LGMN: variants seen among roughly 807,000 people sequenced by gnomAD.
The protein encoded by LGMN is asparaginyl endopeptidase.
A neutral mutation model predicts 56.8 loss-of-function variants in LGMN; 36 were observed. The observed-to-expected ratio is 0.63, with a 90% confidence interval of 0.49 to 0.84. The LOEUF is 0.84. LGMN is among the 40% of genes least tolerant of loss of function. The pLI is 0.00. For synonymous variants in LGMN, 199 were observed against 210.1 expected, an observed-to-expected ratio of 0.95 and a Z score of 0.46; for missense variants, 446 against 556.1, an observed-to-expected ratio of 0.80 and a Z score of 1.99.
intron 11 of LGMN, among the ~76,000 whole-genome samples, chr14:92,708,627 G>A (rs12437403): frequency 0.13 from 20,164 of 151,662 alleles, 2,101 homozygotes; most frequent in African/African-American, 0.28. Context: ...TTGCCTAGAC[G>A]GGTGGATCAC....
At chr14:92,741,299 C>T (rs1256289144) in intron 1 of LGMN, 1 of 152,114 alleles carries the variant, frequency 6.6e-6, no homozygotes, top group Non-Finnish European at 1.5e-5. Context: ...TAAATTATCA[C>T]CAACAATGCA....
chr14:92,723,233 G>A (rs1215768970), intron 2 of LGMN, among the ~76,000 whole-genome samples: 1 of 152,026 alleles, frequency 6.6e-6, no homozygotes, highest in African/African-American at 2.4e-5. Context: ...TTTTAGTAGA[G>A]ATGGGGTTTC....
intron 1 of LGMN, among the ~76,000 whole-genome samples, chr14:92,743,283 C>T (rs1448919803): frequency 2.0e-5 from 3 of 152,084 alleles, no homozygotes; most frequent in African/African-American, 7.2e-5. Flanking sequence ...GGGTGGATCA[C>T]GAGGTCAGGA....
intron 11 of LGMN, among the ~76,000 whole-genome samples, chr14:92,708,346 C>A (rs1889553147): frequency 6.6e-6 from 1 of 151,962 alleles, no homozygotes; most frequent in African/African-American, 2.4e-5. Flanking sequence ...CTCCTGTAAT[C>A]CCAGCACTTT....
At chr14:92,739,998 C>A (rs947977857) in intron 1 of LGMN, among the ~76,000 whole-genome samples, 5 of 152,142 alleles carry the variant, frequency 3.3e-5, no homozygotes, top group African/African-American at 1.2e-4. Flanking sequence ...CGCCTGTAAT[C>A]CCAGCACTTT....
chr14:92,706,483 C>G lies in LGMN; in HGVS notation c.1191G>C (p.Thr397=). 6.5e-7 allele frequency: 1 copy of G among 1,539,476 alleles called. No individual in the cohort carries two copies. The highest frequency in any genetic ancestry group is 8.8e-7 in the Non-Finnish European group (1 of 1,130,590). ...RTHCFNWHSP[T]YEYALRHLYV... ...TCATGGGGAGAGCCTGCTGGCTCACCGTGGGGGAGTGCCAGTTGAAGCAGT... is the reference window on the plus strand; with the variant it reads ...TCATGGGGAGAGCCTGCTGGCTCACGGTGGGGGAGTGCCAGTTGAAGCAGT... The change falls in exon 12 of 14, where the codon ACG becomes ACC. Residue 397 remains threonine (T), a splice_region_variant and synonymous_variant. Transcript: ENST00000334869.
chr14:92,709,946 G>C, intron 10 of LGMN, 74 bp from the exon 11 acceptor site: 1 of 1,272,476 alleles, frequency 7.9e-7, no homozygotes, highest in Non-Finnish European at 1.1e-6. Flanking sequence ...GAGAGAGGGA[G>C]AGAGAGAGCT....
chr14:92,706,089 C>G (rs1889414725), intron 12 of LGMN, among the ~76,000 whole-genome samples: 1 of 152,198 alleles, frequency 6.6e-6, no homozygotes, highest in South Asian at 2.1e-4. Context: ...AGTACTTCTC[C>G]ATGGGCCACA....
chr14:92,705,334 T>G (rs1889375080), intron 12 of LGMN, among the ~76,000 whole-genome samples: 1 of 152,148 alleles, frequency 6.6e-6, no homozygotes, highest in African/African-American at 2.4e-5. Context: ...AAACCCTGTC[T>G]CTACTAAAAA....
At position 92,714,284 on chromosome 14, in the gene LGMN, C is replaced by T. The variant is rs2140219710; in HGVS notation, c.480+92G>A. On this transcript the variant is annotated intron_variant, in intron 6 of 13. Coordinates refer to ENST00000334869, the MANE Select transcript of LGMN (RefSeq NM_005606.7). The surrounding 1 kb of genome is among the most constrained non-coding windows in gnomAD (Gnocchi z 5.1). ...CACGTACAAACCAACCCTGGCAGGA[C>T]ACTAGAAAATACACGCTATGGGTTT... 3 of 872,202 alleles carry T rather than the reference C, an allele frequency of 3.4e-6. No individual in the cohort carries two copies. In the East Asian group the frequency reaches 7.4e-5, roughly 21 times the overall value. The allele number at this position is 872,202 out of a possible 1,614,324, so 54.0% of individuals were successfully genotyped here.
chr14:92,743,981 C>T (rs1027601273), intron 1 of LGMN, among the ~76,000 whole-genome samples: 5 of 151,288 alleles, frequency 3.3e-5, no homozygotes, highest in African/African-American at 4.9e-5. Context: ...TGGTGAAACC[C>T]CGTCTCTACT....
chr14:92,722,043 T>C (rs1890504172), intron 2 of LGMN, among the ~76,000 whole-genome samples: 1 of 152,228 alleles, frequency 6.6e-6, no homozygotes, highest in African/African-American at 2.4e-5. Flanking sequence ...GTAAACATTA[T>C]GCTGTTCACA....
chr14:92,706,810 G>A (rs757829082), intron 11 of LGMN, among the ~76,000 whole-genome samples, 157 bp from the exon 12 acceptor site: 40 of 152,200 alleles, frequency 2.6e-4, no homozygotes, highest in Non-Finnish European at 3.2e-4. Context: ...CGAGAAAGGC[G>A]AGAGATGTCT....
rs1482012787 is a variant in LGMN, at chr14:92,714,921, C to A, written c.405-470G>T. Among the ~76,000 whole-genome samples the A allele has an allele frequency of 6.6e-6, 1 of 151,960 alleles. No individual in the cohort carries two copies. Among genetic ancestry groups the A allele is most frequent in the Non-Finnish European group, 1.5e-5 (1 of 67,992 alleles). ...GGGCTTCCACCAGATGGCGCTGCTTCAAAGTGGCAGAGATGTAGTAACTTA... is the reference window on the plus strand; with the variant it reads ...GGGCTTCCACCAGATGGCGCTGCTTAAAAGTGGCAGAGATGTAGTAACTTA... On this transcript the variant is annotated intron_variant, in intron 5 of 13. Transcript: ENST00000334869. The surrounding 1 kb of genome is among the most constrained non-coding windows in gnomAD (Gnocchi z 5.1).
intron 3 of LGMN, among the ~76,000 whole-genome samples, chr14:92,718,501 G>C (rs373943432): frequency 6.6e-6 from 1 of 152,100 alleles, no homozygotes. Flanking sequence ...TTGAACCCAG[G>C]AAGTGGAGGT....
Position 92,711,915 on chromosome 14 carries a change from G to A in LGMN, c.651C>T (p.Tyr217=), listed in dbSNP as rs756286423. Residue 217 remains tyrosine (Y), a synonymous_variant, in exon 9 of 14, where the codon TAC becomes TAT. Transcript: ENST00000334869. The stretch of plus-strand genomic sequence containing the variant: ...ACCTCTTCTCATCATAGTAACAGGC[G>A]TAGGACGACTCTCTGGGGTTGGCAG... ...TTAANPRESS[Y]ACYYDEKRST... is the part of the protein sequence containing the mutation. The A allele has an allele frequency of 1.7e-5, 28 of 1,614,094 alleles. No homozygotes were observed. Among genetic ancestry groups the A allele is most frequent in the Non-Finnish European group, 1.9e-5 (22 of 1,179,932 alleles).
intron 6 of LGMN, 95 bp from the exon 7 acceptor site, chr14:92,713,980 T>C (rs1215189483): frequency 5.5e-6 from 5 of 911,336 alleles, no homozygotes; most frequent in Non-Finnish European, 7.4e-6. Context: ...CATAAACTCT[T>C]TTCTACCAAT....
At chr14:92,713,912 A>G in intron 6 of LGMN, 27 bp from the exon 7 acceptor site, 1 of 1,559,756 alleles carries the variant, frequency 6.4e-7, no homozygotes, top group Non-Finnish European at 8.8e-7. Context: ...TTGTCAGACC[A>G]ACACATCAAG....
Position 92,714,299 on chromosome 14 carries a change from G to T in LGMN, c.480+77C>A. ...CCTGGCAGGACACTAGAAAATACAC[G>T]CTATGGGTTTAATCTCGACACCTAG... On this transcript the variant is annotated intron_variant, in intron 6 of 13. Coordinates refer to ENST00000334869, the MANE Select transcript of LGMN (RefSeq NM_005606.7). This position sits in a 1 kb window ranked among gnomAD's most constrained non-coding sequence, Gnocchi z 5.1. The T allele has an allele frequency of 2.0e-6, 2 of 1,012,580 alleles. No homozygotes were observed. The highest frequency in any genetic ancestry group is 1.5e-6 in the Non-Finnish European group (1 of 646,796). The allele number at this position is 1,012,580 out of a possible 1,614,324, so 62.7% of individuals were successfully genotyped here.
Sources: allele counts gnomAD v4.1 joint callset (sites outside exome capture counted in the v4.1 genomes callset), GRCh38; gene constraint gnomAD v4.1.1; non-coding constraint Gnocchi (gnomAD v3.1); transcripts MANE v1.5; gene names NCBI Gene and HGNC (gene_info 2026-07-23, HGNC 2026-07-21).